The following MALRD1 variants were observed in gnomAD, a reference collection of about 807,000 sequenced individuals.
The protein encoded by MALRD1 is MAM and LDL-receptor class A domain-containing protein 1.
A neutral mutation model predicts 242.1 loss-of-function variants in MALRD1; 247 were observed. The ratio of observed to expected loss-of-function variants is 1.02; its 90% CI spans 0.92 to 1.13. The LOEUF is 1.13. Among genes scored for constraint, MALRD1 ranks in the 50% most tolerant of loss-of-function variants. The pLI, the probability that MALRD1 is intolerant of heterozygous loss-of-function variation, is 0.00. For missense variants in MALRD1, 2,989 were observed against 2,533.1 expected (o/e 1.18, Z -3.86); for synonymous variants, 995 against 866.6 (o/e 1.15, Z -2.60).
At chr10:19,230,199 C>T (rs912759297) in intron 18 of MALRD1, among the ~76,000 whole-genome samples, 1 of 152,246 alleles carries the variant, frequency 6.6e-6, no homozygotes, top group Admixed American at 6.5e-5. Flanking sequence ...ATAAATTACC[C>T]AGTCTTGGGT....
intron 2 of MALRD1, among the ~76,000 whole-genome samples, chr10:19,070,952 A>C (rs1835128129): frequency 1.4e-5 from 2 of 145,144 alleles, no homozygotes; most frequent in African/African-American, 5.1e-5. Flanking sequence ...CCCAGGTTCA[A>C]GCAATTCTCC....
intron 36 of MALRD1, among the ~76,000 whole-genome samples, chr10:19,618,198 A>T (rs1293557239): frequency 6.6e-6 from 1 of 151,960 alleles, no homozygotes; most frequent in Non-Finnish European, 1.5e-5. Context: ...ATTCCATGGT[A>T]TATATGTACC....
chr10:19,086,845 G>A (rs931519173), intron 2 of MALRD1, among the ~76,000 whole-genome samples: 4 of 152,152 alleles, frequency 2.6e-5, no homozygotes, highest in Non-Finnish European at 4.4e-5. Context: ...GGCTCAGAAT[G>A]TTTCTGTGTC....
intron 31 of MALRD1, among the ~76,000 whole-genome samples, chr10:19,517,529 A>T (rs1216142771): frequency 6.6e-6 from 1 of 152,190 alleles, no homozygotes; most frequent in Non-Finnish European, 1.5e-5. Context: ...CACCTTTGAT[A>T]AAGTTCACCC....
chr10:19,560,937 A>G (rs1241455484), intron 32 of MALRD1, among the ~76,000 whole-genome samples: 2 of 152,158 alleles, frequency 1.3e-5, no homozygotes, highest in African/African-American at 4.8e-5. Flanking sequence ...CTGCACATGT[A>G]TCCCAAAACT....
chr10:19,479,671 G>C (rs1029057197), intron 29 of MALRD1, among the ~76,000 whole-genome samples: 2 of 152,234 alleles, frequency 1.3e-5, no homozygotes, highest in Non-Finnish European at 2.9e-5. Flanking sequence ...TCAGGCTACT[G>C]CTATAACAAA....
chr10:19,240,987 T>A (rs2499080), intron 18 of MALRD1, among the ~76,000 whole-genome samples: 1 of 151,938 alleles, frequency 6.6e-6, no homozygotes, highest in African/African-American at 2.4e-5. Context: ...GAGAATTTTT[T>A]TATCTATGTT....
At chr10:19,490,978 C>T (rs921225837) in intron 29 of MALRD1, 20 of 173,992 alleles carry the variant, frequency 1.1e-4, no homozygotes, top group African/African-American at 2.4e-4. Context: ...ATGAAACCTC[C>T]ACCAGCCAGT....
chr10:19,156,379 A>G (rs1834145599), intron 12 of MALRD1, among the ~76,000 whole-genome samples: 1 of 151,388 alleles, frequency 6.6e-6, no homozygotes, highest in African/African-American at 2.4e-5. Context: ...CATTTTATCC[A>G]AATGCCTTTT....
chr10:19,307,525 G>A (rs1429663559), intron 21 of MALRD1, among the ~76,000 whole-genome samples: 2 of 151,414 alleles, frequency 1.3e-5, no homozygotes, highest in Admixed American at 6.6e-5. Flanking sequence ...ATATAACTCG[G>A]GGTGTGGATG....
chr10:19,217,094 C>T (rs4306210), intron 18 of MALRD1, among the ~76,000 whole-genome samples: 62,627 of 152,084 alleles, frequency 0.41, 13,259 homozygotes, highest in Admixed American at 0.49. Flanking sequence ...CAGTAGGACC[C>T]TCTGTCTGGC....
chr10:19,536,347 T>A (rs1589214321), intron 32 of MALRD1, among the ~76,000 whole-genome samples: 1 of 71,780 alleles, frequency 1.4e-5, no homozygotes, highest in East Asian at 4.4e-4. Flanking sequence ...TTTTTTTTCT[T>A]TTCTTTTTTT....
intron 37 of MALRD1, 27 bp from the exon 38 acceptor site, chr10:19,692,431 A>G (rs1398587510): frequency 1.3e-6 from 2 of 1,532,812 alleles, no homozygotes; most frequent in Non-Finnish European, 1.7e-6. Flanking sequence ...CTGCATATTT[A>G]TCTTTTTCTT....
chr10:19,135,613 T>A (rs1833308274), intron 9 of MALRD1, among the ~76,000 whole-genome samples: 1 of 152,212 alleles, frequency 6.6e-6, no homozygotes, highest in Non-Finnish European at 1.5e-5. Flanking sequence ...ATATCTGATG[T>A]CCAGTATGGT....
chr10:19,160,203 GC>G (rs1834338178), intron 12 of MALRD1, among the ~76,000 whole-genome samples: 1 of 151,894 alleles, frequency 6.6e-6, no homozygotes, highest in Non-Finnish European at 1.5e-5. Flanking sequence ...GGCTTTTTCT[GC>G]ATCTATTGAG....
At chr10:19,369,109 A>T (rs1212051150) in intron 26 of MALRD1, among the ~76,000 whole-genome samples, 5 of 145,898 alleles carry the variant, frequency 3.4e-5, no homozygotes, top group South Asian at 4.2e-4. Flanking sequence ...AAATATATTT[A>T]TATATAACAT....
rs1305092962 is a variant in MALRD1 at position 19,209,619 on chromosome 10, G to A, written c.2930G>A (p.Gly977Glu). ...SRGQLLWQIF[G>E]NQGNRWIRKH... The stretch of plus-strand genomic sequence containing the variant: ...GGACAGCTGCTGTGGCAGATATTTG[G>A]GAATCAAGGCAACAGATGGATTAGG... Residue 977 changes from glycine to glutamate, a missense_variant, in exon 18 of 40, where the codon GGG (glycine) becomes GAG (glutamate). Gly to Glu is a moderately conservative substitution (Grantham distance 98). Transcript: ENST00000454679. The A allele has an allele frequency of 6.4e-7, 1 of 1,550,960 alleles. No individual in the cohort carries two copies. Among genetic ancestry groups the A allele is most frequent in the Admixed American group, 2.0e-5 (1 of 50,978 alleles).
At chr10:19,174,513 G>A (rs946054107) in intron 13 of MALRD1, among the ~76,000 whole-genome samples, 1 of 151,840 alleles carries the variant, frequency 6.6e-6, no homozygotes, top group African/African-American at 2.4e-5. Flanking sequence ...TAAGATTCCT[G>A]GCATAAATTA....
chr10:19,392,645 G>A (rs1228440417), intron 28 of MALRD1, among the ~76,000 whole-genome samples: 1 of 152,262 alleles, frequency 6.6e-6, no homozygotes, highest in Non-Finnish European at 1.5e-5. Context: ...TTAGAGAGAT[G>A]TAACTGAAAC....
Sources: allele counts gnomAD v4.1 joint callset (sites outside exome capture counted in the v4.1 genomes callset), GRCh38; gene constraint gnomAD v4.1.1; transcripts MANE v1.5; gene names NCBI Gene and HGNC (gene_info 2026-07-23, HGNC 2026-07-21).